The following XKR6 variants were observed in gnomAD, a reference collection of about 807,000 sequenced individuals.
XKR6 encodes XK-related protein 6.
A neutral mutation model predicts 56.7 loss-of-function variants in XKR6; 22 were observed. The ratio of observed to expected loss-of-function variants is 0.39; its 90% CI spans 0.28 to 0.55. The LOEUF is 0.55. XKR6 is among the 20% of genes least tolerant of loss of function. The pLI is 0.66. For missense variants in XKR6, 852 were observed against 889.0 expected (o/e 0.96, Z 0.53); for synonymous variants, 524 against 387.8 (o/e 1.35, Z -4.13).
chr8:11,123,825 C>T (rs973506378), intron 1 of XKR6: 4 of 455,922 alleles, frequency 8.8e-6, no homozygotes, highest in Non-Finnish European at 1.8e-5. Flanking sequence ...TGGAAATAAA[C>T]ACACCAAGGC....
At chr8:11,165,395 G>C (rs780564127) in intron 1 of XKR6, among the ~76,000 whole-genome samples, 2 of 152,106 alleles carry the variant, frequency 1.3e-5, no homozygotes, top group Non-Finnish European at 2.9e-5. Context: ...ACAGTGCCCA[G>C]CTGGCTATCG....
intron 1 of XKR6, chr8:11,035,396 G>A: frequency 1.9e-6 from 1 of 521,210 alleles, no homozygotes; most frequent in Non-Finnish European, 4.0e-6. Context: ...TTCAGGCAAA[G>A]TGCAACTCCA....
intron 2 of XKR6, among the ~76,000 whole-genome samples, chr8:10,915,277 G>A (rs1800527787): frequency 6.6e-6 from 1 of 152,268 alleles, no homozygotes; most frequent in African/African-American, 2.4e-5. Context: ...GATTAGGGAA[G>A]TTATTGAATA....
chr8:10,956,575 G>C (rs1404036888), intron 1 of XKR6, among the ~76,000 whole-genome samples: 7 of 152,184 alleles, frequency 4.6e-5, no homozygotes, highest in African/African-American at 7.2e-5. Context: ...GATACCACTG[G>C]AAAGACAGCT....
chr8:11,142,504 A>T (rs1329987010), intron 1 of XKR6, among the ~76,000 whole-genome samples: 4 of 152,100 alleles, frequency 2.6e-5, no homozygotes, highest in African/African-American at 7.2e-5. Flanking sequence ...ATGGGAGCAG[A>T]TCCCTCATGA....
rs145392571 is a variant in XKR6, at chr8:10,991,362, T to A, written c.765-66532A>T. Among the ~76,000 whole-genome samples, 525 of 152,312 alleles carry A rather than the reference T, an allele frequency of 3.4e-3. 1 individual carries two copies. The highest frequency in any genetic ancestry group is 0.012 in the African/African-American group (514 of 41,574). ...TCAGCGTTCAAAGCTTTCCTGTAGT[T>A]GCAACTGCCTCTTTCACTTTGGATT... On this transcript the variant is annotated intron_variant, in intron 1 of 2. Transcript: ENST00000416569.
At position 11,065,132 on chromosome 8, in the gene XKR6, T is replaced by G. The variant is rs973736832; in HGVS notation, c.764+135444A>C. Among the ~76,000 whole-genome samples, 4 of 152,330 alleles carry G rather than the reference T, an allele frequency of 2.6e-5. No individual in the cohort carries two copies. The East Asian group carries it at 7.7e-4, about 29-fold the overall frequency. On this transcript the variant is annotated intron_variant, in intron 1 of 2. Coordinates refer to ENST00000416569, the MANE Select transcript of XKR6 (RefSeq NM_173683.4). ...GTGTGGAAGGAAGACTGACTATAAC[T>G]TTCTTTTAAAAGGCTAGACTCATGG...
At chr8:11,015,204 T>A (rs1158131323) in intron 1 of XKR6, among the ~76,000 whole-genome samples, 2 of 152,156 alleles carry the variant, frequency 1.3e-5, no homozygotes, top group African/African-American at 4.8e-5. Context: ...ACTTTTTTTT[T>A]TTTTTTAAGT....
chr8:10,951,407 G>C (rs527860760), intron 1 of XKR6, among the ~76,000 whole-genome samples: 14 of 152,252 alleles, frequency 9.2e-5, no homozygotes, highest in African/African-American at 3.1e-4. Context: ...GAGGGGAATG[G>C]GCTTGCAGTG....
chr8:10,916,501 A>G (rs979680440), intron 2 of XKR6, among the ~76,000 whole-genome samples: 1 of 152,254 alleles, frequency 6.6e-6, no homozygotes, highest in Non-Finnish European at 1.5e-5. Flanking sequence ...CCACAAAGAC[A>G]GATGTGGATG....
intron 1 of XKR6, chr8:11,105,826 C>T (rs2129177538): frequency 6.6e-6 from 1 of 152,324 alleles, no homozygotes; most frequent in South Asian, 2.1e-4. Context: ...AATACATGGA[C>T]CCTGTTTACA....
intron 1 of XKR6, among the ~76,000 whole-genome samples, chr8:10,989,034 A>G (rs532308099): frequency 4.6e-5 from 7 of 152,336 alleles, no homozygotes; most frequent in African/African-American, 1.7e-4. Flanking sequence ...CCCATAGGCA[A>G]GCTACATGCT....
intron 1 of XKR6, among the ~76,000 whole-genome samples, chr8:11,162,274 A>C (rs1160139522): frequency 6.6e-6 from 1 of 152,188 alleles, no homozygotes. Flanking sequence ...ACAAGGACTG[A>C]TCTGCTCACC....
intron 1 of XKR6, among the ~76,000 whole-genome samples, chr8:10,966,081 G>A (rs1265157511): frequency 6.6e-6 from 1 of 151,938 alleles, no homozygotes; most frequent in Admixed American, 6.6e-5. Context: ...GGGTGGGGAG[G>A]AGGATTGCTA....
chr8:11,135,722 A>T (rs1800355298), intron 1 of XKR6, among the ~76,000 whole-genome samples: 1 of 152,128 alleles, frequency 6.6e-6, no homozygotes, highest in African/African-American at 2.4e-5. Context: ...AAATAAAAGG[A>T]GAAAAAAATT....
At chr8:10,938,424 C>A (rs1037915074) in intron 1 of XKR6, among the ~76,000 whole-genome samples, 1 of 152,178 alleles carries the variant, frequency 6.6e-6, no homozygotes. Context: ...TTGGCTCCTC[C>A]CCCCAGCAGT....
intron 1 of XKR6, among the ~76,000 whole-genome samples, chr8:11,101,139 T>A (rs576995245): frequency 3.3e-4 from 51 of 152,368 alleles, no homozygotes; most frequent in African/African-American, 1.1e-3. Context: ...GCACCTCAGC[T>A]ACAGACATCC....
chr8:11,162,626 G>A (rs1801869995), intron 1 of XKR6, among the ~76,000 whole-genome samples: 2 of 152,108 alleles, frequency 1.3e-5, no homozygotes, highest in South Asian at 4.1e-4. Flanking sequence ...AATTACAAAG[G>A]AGAAACTTCA....
In XKR6 at chr8:11,195,262, G is replaced by A. The variant is rs940940941; in HGVS notation, c.764+5314C>T. The A allele has an allele frequency of 1.5e-5, 10 of 681,536 alleles. No individual in the cohort carries two copies. The East Asian group carries it at 2.8e-4, about 19-fold the overall frequency. 42.2% of individuals were successfully genotyped at this position (681,536 alleles called of 1,614,324 possible). On this transcript the variant is annotated intron_variant, in intron 1 of 2. Coordinates refer to ENST00000416569, the MANE Select transcript of XKR6 (RefSeq NM_173683.4). ...AAATAATCACCCTAGTGTTTTTACA[G>A]TTTAACATTTTATGTTTACACCTTT...
Sources: allele counts gnomAD v4.1 joint callset (sites outside exome capture counted in the v4.1 genomes callset), GRCh38; gene constraint gnomAD v4.1.1; transcripts MANE v1.5; gene names NCBI Gene and HGNC (gene_info 2026-07-23, HGNC 2026-07-21).